CFAP299: variants seen among roughly 807,000 people sequenced by gnomAD.
CFAP299 encodes the protein cilia- and flagella-associated protein 299.
A neutral mutation model predicts 27.0 loss-of-function variants in CFAP299; 21 were observed. The observed-to-expected ratio is 0.78, with a 90% confidence interval of 0.55 to 1.12. CFAP299 has a LOEUF of 1.12. Among genes scored for constraint, CFAP299 ranks in the 50% most tolerant of loss-of-function variants. The pLI, the probability that CFAP299 is intolerant of heterozygous loss-of-function variation, is 0.00. For missense variants in CFAP299, 310 were observed against 276.6 expected (o/e 1.12, Z -0.86); for synonymous variants, 104 against 98.1 (o/e 1.06, Z -0.36).
chr4:80,577,397 A>AT (rs34922224), intron 2 of CFAP299, among the ~76,000 whole-genome samples: 7,618 of 98,604 alleles, frequency 0.077, 939 homozygotes, highest in African/African-American at 0.15. Flanking sequence ...ATTAGAAAAC[A>AT]TTTTTTTTTT....
chr4:80,911,164 A>G (rs913687491), intron 4 of CFAP299, among the ~76,000 whole-genome samples: 4 of 148,676 alleles, frequency 2.7e-5, no homozygotes, highest in African/African-American at 9.9e-5. Context: ...CTATGTTCCT[A>G]TGTCCCTGGG....
intron 3 of CFAP299, among the ~76,000 whole-genome samples, chr4:80,697,630 G>T (rs1230031926): frequency 2.0e-5 from 3 of 152,208 alleles, no homozygotes; most frequent in Non-Finnish European, 2.9e-5. Context: ...TACTCCCTGG[G>T]ATGGATCATG....
intron 4 of CFAP299, among the ~76,000 whole-genome samples, chr4:80,928,894 T>C (rs1370727633): frequency 1.3e-5 from 2 of 152,126 alleles, no homozygotes; most frequent in Non-Finnish European, 2.9e-5. Context: ...GTCCTCATAG[T>C]ATTATTCTAT....
intron 2 of CFAP299, among the ~76,000 whole-genome samples, chr4:80,511,281 A>G (rs748764273): frequency 1.3e-4 from 20 of 152,172 alleles, no homozygotes; most frequent in Non-Finnish European, 2.4e-4. Flanking sequence ...GAGAATGGGG[A>G]CACACAGACA....
At chr4:80,655,208 T>C (rs561253779) in intron 3 of CFAP299, among the ~76,000 whole-genome samples, 1 of 152,306 alleles carries the variant, frequency 6.6e-6, no homozygotes, top group South Asian at 2.1e-4. Context: ...ATCCATTTAA[T>C]TATCCATAAC....
rs568687383 is a variant in CFAP299 at position 80,664,504 on chromosome 4, C to A, written c.333+81321C>A. Among the ~76,000 whole-genome samples, 8 of 152,268 alleles carry A rather than the reference C, an allele frequency of 5.3e-5. No homozygotes were observed. The South Asian group carries it at 1.5e-3, about 28-fold the overall frequency. On this transcript the variant is annotated intron_variant, in intron 3 of 5. Transcript: ENST00000358105. ...TGCAGTGGGTTCCACCCAGTTCGAA[C>A]TTCCTGGCAGCTTTGTTTACACTGT...
In CFAP299 at chr4:80,472,556, C is replaced by T. The variant is rs541083760; in HGVS notation, c.242+109672C>T. Among the ~76,000 whole-genome samples the T allele has an allele frequency of 7.2e-5, 11 of 152,208 alleles. No homozygotes were observed. The South Asian group carries it at 1.5e-3, about 20-fold the overall frequency. Reference sequence around the variant, plus strand: ...TCTCTATTGACTTCAACAGGGATAACACCATGTTTGTGAGGACCAAGAAGA... The same window carrying T: ...TCTCTATTGACTTCAACAGGGATAATACCATGTTTGTGAGGACCAAGAAGA... On this transcript the variant is annotated intron_variant, in intron 2 of 5. Transcript: ENST00000358105.
At chr4:80,853,232 T>C (rs1423842626) in intron 3 of CFAP299, among the ~76,000 whole-genome samples, 3 of 152,106 alleles carry the variant, frequency 2.0e-5, no homozygotes, top group African/African-American at 4.8e-5. Context: ...GGTTTTCTCA[T>C]ATTGATCAGG....
chr4:80,386,305 A>T, intron 2 of CFAP299: 1 of 1,291,948 alleles, frequency 7.7e-7, no homozygotes, highest in Non-Finnish European at 1.1e-6. Flanking sequence ...ACCAGCTCAG[A>T]TTCTGTGCCC....
At chr4:80,582,128 C>T (rs1296299725) in intron 2 of CFAP299, among the ~76,000 whole-genome samples, 1 of 151,828 alleles carries the variant, frequency 6.6e-6, no homozygotes, top group Non-Finnish European at 1.5e-5. Flanking sequence ...TAACTCTCTC[C>T]TTCCACCCCA....
At chr4:80,391,313 A>G (rs1380735211) in intron 2 of CFAP299, among the ~76,000 whole-genome samples, 6 of 152,162 alleles carry the variant, frequency 3.9e-5, no homozygotes, top group Non-Finnish European at 8.8e-5. Context: ...CATAATGGCT[A>G]TACCAATTTG....
intron 4 of CFAP299, among the ~76,000 whole-genome samples, chr4:80,891,849 A>AAAAAAAT (rs70956079): frequency 7.3e-6 from 1 of 136,532 alleles, no homozygotes; most frequent in Non-Finnish European, 1.5e-5. Flanking sequence ...AAAAAAAAAA[A>AAAAAAAT]GAAATTGCAG....
intron 3 of CFAP299, among the ~76,000 whole-genome samples, chr4:80,618,820 G>A (rs1560659373): frequency 6.6e-6 from 1 of 151,954 alleles, no homozygotes; most frequent in East Asian, 1.9e-4. Flanking sequence ...ATAAGGGTAA[G>A]TATAATATAA....
intron 3 of CFAP299, among the ~76,000 whole-genome samples, chr4:80,813,367 G>C (rs1282306270): frequency 6.6e-6 from 1 of 151,928 alleles, no homozygotes; most frequent in South Asian, 2.1e-4. Context: ...AAGAAAAAAG[G>C]AATTTTTTCT....
chr4:80,816,047 A>T (rs1729405312), intron 3 of CFAP299, among the ~76,000 whole-genome samples: 1 of 152,162 alleles, frequency 6.6e-6, no homozygotes, highest in Admixed American at 6.5e-5. Context: ...ACTATTACAT[A>T]TGTATTCTAT....
intron 2 of CFAP299, among the ~76,000 whole-genome samples, chr4:80,465,829 C>T (rs1008981788): frequency 1.3e-5 from 2 of 152,104 alleles, no homozygotes; most frequent in East Asian, 1.9e-4. Context: ...ATTGAACCTA[C>T]GTGAGCTGGG....
chr4:80,550,206 C>CA (rs1287687962), intron 2 of CFAP299, among the ~76,000 whole-genome samples: 1 of 152,068 alleles, frequency 6.6e-6, no homozygotes, highest in Non-Finnish European at 1.5e-5. Flanking sequence ...ATCAATTCCA[C>CA]AATCATTTAT....
At chr4:80,534,510 C>T (rs1733633823) in intron 2 of CFAP299, among the ~76,000 whole-genome samples, 6 of 151,908 alleles carry the variant, frequency 3.9e-5, no homozygotes, top group Admixed American at 2.6e-4. Context: ...TCCCTCTTAA[C>T]ATTTTGATAA....
At chr4:80,861,771 CAAGTA>C (rs1200574128) in intron 3 of CFAP299, among the ~76,000 whole-genome samples, 2 of 152,010 alleles carry the variant, frequency 1.3e-5, no homozygotes, top group Non-Finnish European at 2.9e-5. Flanking sequence ...AAAAATAATG[CAAGTA>C]AAGATTGCCT....
Sources: gnomAD v4.1 joint callset for allele counts (sites outside exome capture counted in the v4.1 genomes callset) on GRCh38, gnomAD v4.1.1 for gene constraint, MANE v1.5 for transcripts, NCBI Gene and HGNC (gene_info 2026-07-23, HGNC 2026-07-21) for gene names.